Variants in ITFG1 observed in about 807,000 individuals in gnomAD.
The protein encoded by ITFG1 is T-cell immunomodulatory protein.
In ITFG1, 34 loss-of-function variants were observed where a neutral mutation model predicts 81.8. The observed-to-expected ratio is 0.42, with a 90% CI of 0.32 to 0.55. ITFG1 has a LOEUF of 0.55. Among genes scored for constraint, ITFG1 ranks in the 20% least tolerant of loss-of-function variants. The probability of loss-of-function intolerance (pLI) is 0.17; values close to 1 mark genes in which losing one functional copy is unlikely to be tolerated. For synonymous variants in ITFG1, 285 were observed against 270.6 expected (o/e 1.05, Z -0.52); for missense variants, 672 against 755.4 (o/e 0.89, Z 1.29).
chr16:47,288,916 T>A (rs1966880999), intron 10 of ITFG1, among the ~76,000 whole-genome samples: 2 of 152,100 alleles, frequency 1.3e-5, no homozygotes, highest in African/African-American at 4.8e-5. Context: ...AAAATGGGTA[T>A]CCTTGTCTCC....
intron 8 of ITFG1, among the ~76,000 whole-genome samples, chr16:47,330,918 T>C (rs977003211): frequency 5.9e-5 from 9 of 152,138 alleles, no homozygotes; most frequent in Admixed American, 5.2e-4. Context: ...GCTTGGAGAT[T>C]TCTCAAAGAA....
intron 8 of ITFG1, among the ~76,000 whole-genome samples, chr16:47,349,591 A>G (rs1967918158): frequency 6.6e-6 from 1 of 152,156 alleles, no homozygotes. Context: ...AGAGACTTAG[A>G]CTCCCACACA....
rs577758716 is a variant in ITFG1 at position 47,297,412 on chromosome 16, A to G, written c.1070+13828T>C. 7.9e-5 allele frequency among the ~76,000 whole-genome samples: 12 copies of G among 152,240 alleles called. No homozygotes were observed. In the East Asian group the frequency reaches 1.4e-3, roughly 17 times the overall value. On this transcript the variant is annotated intron_variant, in intron 10 of 17. Coordinates refer to ENST00000320640, the MANE Select transcript of ITFG1 (RefSeq NM_030790.5). Reference sequence around the variant, plus strand: ...ATCTTTTAAGTGGAATATTTATGTCATTTACATTCAAGGTTAATATTTTAT... The same window carrying G: ...ATCTTTTAAGTGGAATATTTATGTCGTTTACATTCAAGGTTAATATTTTAT...
At chr16:47,334,451 A>C (rs1052366126) in intron 8 of ITFG1, among the ~76,000 whole-genome samples, 2 of 152,170 alleles carry the variant, frequency 1.3e-5, no homozygotes, top group African/African-American at 4.8e-5. Flanking sequence ...AAGAAAATAC[A>C]TTTTATTCTA....
chr16:47,441,107 C>T (rs1969243467), intron 5 of ITFG1, among the ~76,000 whole-genome samples: 1 of 152,196 alleles, frequency 6.6e-6, no homozygotes, highest in Non-Finnish European at 1.5e-5. Flanking sequence ...TCGACACATA[C>T]ACCCTCCCAA....
Position 47,158,857 on chromosome 16 carries a change from C to T in ITFG1, c.1779+16G>A, listed in dbSNP as rs1964756285. 1 of 1,384,872 alleles carries T rather than the reference C, an allele frequency of 7.2e-7. No individual in the cohort carries two copies. Among genetic ancestry groups the T allele is most frequent in the Non-Finnish European group, 1.0e-6 (1 of 983,590 alleles). The allele number at this position is 1,384,872 out of a possible 1,614,324, so 85.8% of individuals were successfully genotyped here. A position where few individuals can be genotyped will look rare whatever the true frequency, so the allele number is the denominator to read the frequency against. On this transcript the variant is annotated intron_variant, in intron 17 of 17. Transcript: ENST00000320640. ...ATAAATTAACCAAAATTAATGCTTCCTTTAAATGAACAAACCTTTTCCTGC... is the reference window on the plus strand; with the variant it reads ...ATAAATTAACCAAAATTAATGCTTCTTTTAAATGAACAAACCTTTTCCTGC...
At chr16:47,262,332 T>C (rs1423682515) in intron 10 of ITFG1, among the ~76,000 whole-genome samples, 1 of 152,226 alleles carries the variant, frequency 6.6e-6, no homozygotes, top group East Asian at 1.9e-4. Context: ...ATTTCTTCTT[T>C]GTCTCCTGTC....
intron 13 of ITFG1, 140 bp downstream of exon 13, chr16:47,237,825 G>A (rs1965893526): frequency 3.6e-6 from 2 of 551,268 alleles, no homozygotes; most frequent in Admixed American, 7.6e-5. Context: ...TTTCAGCACA[G>A]TTTTCTTGAG....
chr16:47,388,226 T>A (rs1203607206), intron 6 of ITFG1, among the ~76,000 whole-genome samples: 1 of 151,970 alleles, frequency 6.6e-6, no homozygotes, highest in Non-Finnish European at 1.5e-5. Flanking sequence ...CACCAAGATA[T>A]ACGTAATGGA....
At chr16:47,234,346 A>C (rs1166399948) in intron 13 of ITFG1, among the ~76,000 whole-genome samples, 1 of 152,224 alleles carries the variant, frequency 6.6e-6, no homozygotes, top group Non-Finnish European at 1.5e-5. Flanking sequence ...AAACTGTAAT[A>C]AATGAAGAAT....
chr16:47,238,595 A>G (rs1965900389), intron 12 of ITFG1, among the ~76,000 whole-genome samples: 1 of 152,228 alleles, frequency 6.6e-6, no homozygotes, highest in Non-Finnish European at 1.5e-5. Context: ...TTATCTAAAT[A>G]ATATGAGTTC....
intron 10 of ITFG1, among the ~76,000 whole-genome samples, chr16:47,278,986 AT>A (rs202039802): frequency 1.1e-3 from 174 of 151,526 alleles, no homozygotes; most frequent in Non-Finnish European, 2.2e-3. Context: ...GAATCTTCCT[AT>A]TTTTTTTTAT....
intron 8 of ITFG1, among the ~76,000 whole-genome samples, chr16:47,336,269 C>T (rs974766458): frequency 4.6e-5 from 7 of 152,150 alleles, no homozygotes; most frequent in African/African-American, 9.7e-5. Flanking sequence ...CTCTGGAAAA[C>T]GGTCAAAGGT....
intron 14 of ITFG1, among the ~76,000 whole-genome samples, chr16:47,185,470 C>T (rs376092999): frequency 0.07 from 10,600 of 152,232 alleles, 601 homozygotes; most frequent in African/African-American, 0.15. Flanking sequence ...CTCAAAACCG[C>T]TCAACTACAT....
At position 47,260,551 on chromosome 16, in the gene ITFG1, G is replaced by A. The variant is rs374638811; in HGVS notation, c.1215C>T (p.Tyr405=). ...AGCCCAGCTCTGAACTCACATCTTC[G>A]TAAATGTCAAAGAAGGTGGCAACCA... ...DAMVATFFDI[Y]EDGILDIVVL... The change falls in exon 11 of 18, where the codon TAC becomes TAT. Residue 405 remains tyrosine, a synonymous_variant. Coordinates refer to ENST00000320640, the MANE Select transcript of ITFG1 (RefSeq NM_030790.5). 2.5e-6 allele frequency: 4 copies of A among 1,613,956 alleles called. No individual in the cohort carries two copies. Among genetic ancestry groups the A allele is most frequent in the Admixed American group, 1.7e-5 (1 of 59,994 alleles).
At chr16:47,220,188 A>C (rs1965675076) in intron 13 of ITFG1, among the ~76,000 whole-genome samples, 1 of 152,234 alleles carries the variant, frequency 6.6e-6, no homozygotes, top group Non-Finnish European at 1.5e-5. Flanking sequence ...AGGTCTAGAA[A>C]TCCTGATCCA....
chr16:47,451,290 TAAAAATCTTTAA>T (rs1053984924), intron 5 of ITFG1, 94 bp downstream of exon 5: 1 of 638,684 alleles, frequency 1.6e-6, no homozygotes, highest in Non-Finnish European at 2.7e-6. Context: ...AATGCCCACT[TAAAAATCTTTAA>T]AAACAAGGAT....
chr16:47,299,738 G>A (rs1567450783), intron 10 of ITFG1: 1 of 152,210 alleles, frequency 6.6e-6, no homozygotes, highest in Admixed American at 6.5e-5. Context: ...CACTGGCATC[G>A]AGCTGAGGCA....
Position 47,313,811 on chromosome 16 carries a change from T to G in ITFG1, c.815A>C (p.His272Pro). 1 of 1,600,464 alleles carries G rather than the reference T, an allele frequency of 6.2e-7. No homozygotes were observed. The highest frequency in any genetic ancestry group is 8.5e-7 in the Non-Finnish European group (1 of 1,172,576). The change falls in exon 9 of 18, where the codon CAC becomes CCC. Residue 272 changes from histidine to proline, a missense_variant. His to Pro is a moderately conservative substitution (Grantham distance 77). This residue lies in a region of ITFG1 where 560 missense variants were observed against 625.7 expected (regional missense o/e 0.90). Transcript: ENST00000320640. ...SAFADFDGDG[H>P]MDHLLPGCED... ...ACAGCCTGGCAGTAAATGATCCATG[T>G]GTCCATCTCCATCTGCCAAAAGAAA...
Sources: allele counts gnomAD v4.1 joint callset (sites outside exome capture counted in the v4.1 genomes callset), GRCh38; gene constraint gnomAD v4.1.1; regional missense constraint gnomAD v4.1.1; transcripts MANE v1.5; gene names NCBI Gene and HGNC (gene_info 2026-07-23, HGNC 2026-07-21).